The following CATSPERE variants were observed in gnomAD, a reference collection of about 807,000 sequenced individuals.
The protein encoded by CATSPERE is cation channel sperm-associated auxiliary subunit epsilon.
CATSPERE carries 93 observed loss-of-function variants against 114.1 expected under a neutral mutation model. That is an observed-to-expected ratio of 0.81 (90% confidence interval 0.69 to 0.97). The LOEUF is 0.97. Ranked by LOEUF, CATSPERE falls within the 50% of genes least tolerant of loss-of-function variation. The pLI is 0.00. For missense variants in CATSPERE, 1,058 were observed against 1,131.6 expected (o/e 0.93, Z 0.93); for synonymous variants, 341 against 384.1 (o/e 0.89, Z 1.31).
At chr1:244,621,422 G>T (rs1223909499) in intron 20 of CATSPERE, among the ~76,000 whole-genome samples, 2 of 147,438 alleles carry the variant, frequency 1.4e-5, no homozygotes, top group African/African-American at 5.0e-5. Context: ...TGTCCAAAAA[G>T]AATAATAATC....
chr1:244,596,866 C>T (rs1387485358), intron 17 of CATSPERE, among the ~76,000 whole-genome samples: 1 of 151,510 alleles, frequency 6.6e-6, no homozygotes, highest in Non-Finnish European at 1.5e-5. Flanking sequence ...GAATGAGGAA[C>T]ATGAATGACT....
At chr1:244,628,872 G>T (rs1673535098) in intron 20 of CATSPERE, among the ~76,000 whole-genome samples, 1 of 152,168 alleles carries the variant, frequency 6.6e-6, no homozygotes. Flanking sequence ...AGCTGAGTCA[G>T]CTATTCACGT....
chr1:244,502,685 C>G (rs1674249048), intron 7 of CATSPERE, among the ~76,000 whole-genome samples: 1 of 152,056 alleles, frequency 6.6e-6, no homozygotes, highest in South Asian at 2.1e-4. Flanking sequence ...GCTTGTAGTT[C>G]ATTTTTGGAG....
chr1:244,598,561 C>T, intron 17 of CATSPERE: 1 of 267,332 alleles, frequency 3.7e-6, no homozygotes, highest in South Asian at 4.0e-5. Context: ...CCAGCCACCT[C>T]ACCTGTCTTG....
intron 4 of CATSPERE, among the ~76,000 whole-genome samples, chr1:244,478,607 T>C (rs1305021896): frequency 6.6e-6 from 1 of 152,236 alleles, no homozygotes; most frequent in African/African-American, 2.4e-5. Context: ...ATTAAAAAGC[T>C]TTATTGTCAA....
intron 6 of CATSPERE, among the ~76,000 whole-genome samples, chr1:244,490,979 T>A (rs905020146): frequency 1.3e-5 from 2 of 152,118 alleles, no homozygotes; most frequent in African/African-American, 2.4e-5. Flanking sequence ...CTTGTAGGAT[T>A]CTTAATAATT....
chr1:244,456,532 T>C (rs1015756132), upstream of CATSPERE, among the ~76,000 whole-genome samples: 4 of 152,238 alleles, frequency 2.6e-5, no homozygotes, highest in African/African-American at 7.2e-5. Context: ...CACATGACTT[T>C]AGTAATCTTT....
chr1:244,496,240 T>G (rs1297735686), intron 6 of CATSPERE, among the ~76,000 whole-genome samples: 1 of 152,162 alleles, frequency 6.6e-6, no homozygotes, highest in African/African-American at 2.4e-5. Flanking sequence ...AATCACATGA[T>G]AAAATTTTAA....
chr1:244,568,330 A>C lies in CATSPERE; in HGVS notation c.1508-4000A>C, dbSNP rs2148561142. ...CAGGAGACACAGGGGTCAGGGACCC[A>C]CTTGAGGAAGCCGTCTGTCCCTTAG... On this transcript the variant is annotated intron_variant, in intron 10 of 21. Transcript: ENST00000366534. This position sits in a 1 kb window ranked among gnomAD's most constrained non-coding sequence, Gnocchi z 4.4. Among the ~76,000 whole-genome samples the C allele has an allele frequency of 6.6e-6, 1 of 152,332 alleles. No individual in the cohort carries two copies. The highest frequency in any genetic ancestry group is 1.5e-5 in the Non-Finnish European group (1 of 68,016).
chr1:244,564,717 T>A (rs988364301), intron 10 of CATSPERE, among the ~76,000 whole-genome samples: 4 of 152,220 alleles, frequency 2.6e-5, no homozygotes, highest in African/African-American at 7.2e-5. Context: ...ACTTCCTCTC[T>A]TCCTATTTGA....
At position 244,478,398 on chromosome 1, in the gene CATSPERE, T is replaced by C. The variant is rs1003240309; in HGVS notation, c.258+423T>C. Among the ~76,000 whole-genome samples, 11 of 152,198 alleles carry C rather than the reference T, an allele frequency of 7.2e-5. No individual in the cohort carries two copies. The East Asian group carries it at 1.3e-3, about 19-fold the overall frequency. ...AGAATGCAAATGAATTAGAATGAGG[T>C]TGAACGTCTCTAGTTTACCAAAAAC... On this transcript the variant is annotated intron_variant, in intron 4 of 21. Transcript: ENST00000366534.
chr1:244,592,807 G>A (rs2148647227), intron 15 of CATSPERE, among the ~76,000 whole-genome samples: 1 of 152,264 alleles, frequency 6.6e-6, no homozygotes, highest in Middle Eastern at 3.4e-3. Flanking sequence ...TCACTGTGAT[G>A]GGGGTTTCCT....
intron 17 of CATSPERE, among the ~76,000 whole-genome samples, chr1:244,595,970 T>C (rs1248061541): frequency 6.6e-6 from 1 of 152,126 alleles, no homozygotes; most frequent in East Asian, 1.9e-4. Flanking sequence ...GCTAGTTCTC[T>C]CTGGGAGAGG....
At chr1:244,639,835 A>G in intron 21 of CATSPERE, 93 bp from the exon 22 acceptor site, 1 of 1,142,942 alleles carries the variant, frequency 8.7e-7, no homozygotes, top group Non-Finnish European at 1.2e-6. Context: ...TCAATGGCAT[A>G]GTAGCTAGCT....
chr1:244,542,220 A>G (rs2148463253), intron 8 of CATSPERE, among the ~76,000 whole-genome samples: 1 of 151,506 alleles, frequency 6.6e-6, no homozygotes, highest in Admixed American at 6.6e-5. Flanking sequence ...AGCCTTCCCC[A>G]TACCAGGAGG....
chr1:244,509,832 C>T (rs937641958), intron 7 of CATSPERE, among the ~76,000 whole-genome samples: 1 of 152,078 alleles, frequency 6.6e-6, no homozygotes, highest in African/African-American at 2.4e-5. Flanking sequence ...GGAATTTATT[C>T]ATTTCCTTTA....
At chr1:244,589,488 A>G (rs963877870) in intron 14 of CATSPERE, among the ~76,000 whole-genome samples, 11 of 152,168 alleles carry the variant, frequency 7.2e-5, no homozygotes, top group South Asian at 2.1e-4. Flanking sequence ...AGCCGGTATC[A>G]TCCTATTTCA....
intron 21 of CATSPERE, among the ~76,000 whole-genome samples, chr1:244,639,579 G>A (rs768416637): frequency 4.0e-5 from 6 of 151,694 alleles, no homozygotes; most frequent in South Asian, 2.1e-4. Context: ...AATCCCAGCT[G>A]CTTGGGAGGC....
At position 244,568,142 on chromosome 1, in the gene CATSPERE, C is replaced by A. The variant is rs189512617; in HGVS notation, c.1508-4188C>A. 1.0e-2 allele frequency among the ~76,000 whole-genome samples: 1,506 copies of A among 150,924 alleles called. 25 individuals carry two copies. The highest frequency in any genetic ancestry group is 0.034 in the African/African-American group (1,378 of 40,572). ...GGAGTTTGCTGGAGGTCCACTCCAG[C>A]CCCTGTTTGCCTGGGTATCACCAGC... On this transcript the variant is annotated intron_variant, in intron 10 of 21. Coordinates refer to ENST00000366534, the MANE Select transcript of CATSPERE (RefSeq NM_001130957.2). The surrounding 1 kb of genome is among the most constrained non-coding windows in gnomAD (Gnocchi z 4.4).
Sources: allele counts gnomAD v4.1 joint callset (sites outside exome capture counted in the v4.1 genomes callset), GRCh38; gene constraint gnomAD v4.1.1; non-coding constraint Gnocchi (gnomAD v3.1); transcripts MANE v1.5; gene names NCBI Gene and HGNC (gene_info 2026-07-23, HGNC 2026-07-21).